The following CWC25 variants were observed in gnomAD, a reference collection of about 807,000 sequenced individuals.
The protein encoded by CWC25 is CWC25 spliceosome associated protein.
CWC25 carries 31 observed loss-of-function variants against 54.6 expected under a neutral mutation model. The ratio of observed to expected loss-of-function variants is 0.57; its 90% CI spans 0.43 to 0.77. The LOEUF is 0.77. CWC25 is among the 30% of genes least tolerant of loss of function. The pLI is 0.00. For missense variants in CWC25, 453 were observed against 529.3 expected, an observed-to-expected ratio of 0.86 and a Z score of 1.41; for synonymous variants, 151 against 187.0, an observed-to-expected ratio of 0.81 and a Z score of 1.57.
At position 38,814,942 on chromosome 17, in the gene CWC25, C is replaced by A. The variant is rs1254899378; in HGVS notation, c.347G>T (p.Gly116Val). The change falls in exon 3 of 10, where the codon GGC becomes GTC. Residue 116 changes from glycine to valine, a missense_variant. Physicochemically the swap from Gly to Val is moderately radical, Grantham distance 109. Coordinates refer to ENST00000614790, the MANE Select transcript of CWC25 (RefSeq NM_017748.5). ...GCSSETGLLPGSIFAPSGANS... is the reference protein window; with the variant it reads ...GCSSETGLLPVSIFAPSGANS... ...GGCACCTGATGGGGCAAAGATAGAG[C>A]CTGGGAGAAGTCCTGTTTCAGAAGA... is the stretch of plus-strand genomic sequence containing the variant. 2 of 1,613,634 alleles carry A rather than the reference C, an allele frequency of 1.2e-6. No homozygotes were observed.
intron 8 of CWC25, among the ~76,000 whole-genome samples, chr17:38,803,475 C>T (rs908163591): frequency 6.6e-6 from 1 of 151,846 alleles, no homozygotes; most frequent in Admixed American, 6.6e-5. Context: ...ACTAAAATTA[C>T]AAAAATAAGC....
intron 2 of CWC25, among the ~76,000 whole-genome samples, chr17:38,818,781 C>G (rs1341647651): frequency 2.6e-5 from 4 of 151,902 alleles, no homozygotes; most frequent in Non-Finnish European, 4.4e-5. Context: ...ATCACCTTCC[C>G]CCATTCACGA....
chr17:38,817,804 A>G (rs1911761882), intron 2 of CWC25, among the ~76,000 whole-genome samples: 1 of 151,322 alleles, frequency 6.6e-6, no homozygotes. Context: ...AATAACAATA[A>G]TAATAATAAT....
intron 1 of CWC25, among the ~76,000 whole-genome samples, chr17:38,823,022 G>A (rs1023427003): frequency 1.3e-5 from 2 of 151,626 alleles, no homozygotes; most frequent in Non-Finnish European, 2.9e-5. Context: ...TGTATTTTTA[G>A]TAGAGACGGG....
chr17:38,815,702 T>C (rs1911668641), intron 2 of CWC25: 2 of 1,285,500 alleles, frequency 1.6e-6, no homozygotes, highest in Non-Finnish European at 2.0e-6. Flanking sequence ...CGAGTCTCCT[T>C]TACAGAGTCT....
chr17:38,825,136 C>A, intron 1 of CWC25, 30 bp downstream of exon 1: 1 of 1,505,728 alleles, frequency 6.6e-7, no homozygotes. Flanking sequence ...CGGCCTCAGT[C>A]CTCCCCCGCC....
At chr17:38,814,197 A>G (rs1911604604) in intron 3 of CWC25, among the ~76,000 whole-genome samples, 1 of 152,108 alleles carries the variant, frequency 6.6e-6, no homozygotes, top group Non-Finnish European at 1.5e-5. Flanking sequence ...GTTTCAATTC[A>G]GAATGGTGAA....
At position 38,820,922 on chromosome 17, in the gene CWC25, G is replaced by C; in HGVS notation, c.170C>G (p.Ala57Gly). 6.2e-7 allele frequency: 1 copy of C among 1,613,102 alleles called. No individual in the cohort carries two copies. The highest frequency in any genetic ancestry group is 2.2e-5 in the East Asian group (1 of 44,870). Residue 57 changes from alanine (A) to glycine (G), a missense_variant, in exon 2 of 10, where the codon GCG (alanine) becomes GGG (glycine). Ala to Gly is a moderately conservative substitution (Grantham distance 60). Coordinates refer to ENST00000614790, the MANE Select transcript of CWC25 (RefSeq NM_017748.5). The part of the protein sequence containing the change: ...ERAREEMQRY[A>G]EDVGAVKKKE... ...TTACTTGACGGCCCCAACATCCTCC[G>C]CATAGCGCTGCATCTCTTCCCGGGC...
At chr17:38,814,745 CAAAA>C (rs71138658) in intron 3 of CWC25, 112 bp downstream of exon 3, 2,230 of 458,528 alleles carry the variant, frequency 4.9e-3, no homozygotes, top group Middle Eastern at 6.3e-3. Context: ...GACTCCGTCT[CAAAA>C]AAAAAAAAAA....
rs1409567108 is a variant in CWC25 at position 38,816,875 on chromosome 17, G to A, written c.192-1778C>T. Among the ~76,000 whole-genome samples the A allele has an allele frequency of 3.3e-5, 5 of 150,966 alleles. No individual in the cohort carries two copies. In the East Asian group the frequency reaches 8.0e-4, roughly 24 times the overall value. ...AATTTTTTGTACTTTTAGTAAAGAC[G>A]AGGTTTCACCGTGTTGGCCAGGCTG... On this transcript the variant is annotated intron_variant, in intron 2 of 9. Coordinates refer to ENST00000614790, the MANE Select transcript of CWC25 (RefSeq NM_017748.5).
intron 8 of CWC25, among the ~76,000 whole-genome samples, chr17:38,805,134 G>C (rs975860496): frequency 2.2e-4 from 33 of 150,964 alleles, no homozygotes; most frequent in Admixed American, 6.0e-4. Context: ...AATTAGCTGG[G>C]CGTGACAACA....
chr17:38,805,325 G>A (rs185700666), intron 8 of CWC25, among the ~76,000 whole-genome samples: 1 of 152,086 alleles, frequency 6.6e-6, no homozygotes, highest in Admixed American at 6.6e-5. Context: ...TAAAATTAAT[G>A]GATGAAGAGG....
At chr17:38,804,812 A>C (rs1205873828) in intron 8 of CWC25, among the ~76,000 whole-genome samples, 8 of 150,244 alleles carry the variant, frequency 5.3e-5, no homozygotes, top group African/African-American at 2.0e-4. Flanking sequence ...AAAAAAAAAA[A>C]AAAAAAAAGG....
At chr17:38,816,690 T>TC (rs2143587834) in intron 2 of CWC25, among the ~76,000 whole-genome samples, 1 of 150,224 alleles carries the variant, frequency 6.7e-6, no homozygotes, top group African/African-American at 2.4e-5. Context: ...CCATGACCCT[T>TC]TTTTTTTTCC....
chr17:38,819,776 G>A lies in CWC25; in HGVS notation c.191+1125C>T, dbSNP rs997453746. On this transcript the variant is annotated intron_variant, in intron 2 of 9. Transcript: ENST00000614790. ...CAGCTCACTGAAACTTCTGCCTCCC[G>A]GGTTCAAGCAATTCTCCTGCCTCGG... Among the ~76,000 whole-genome samples, 3 of 151,774 alleles carry A rather than the reference G, an allele frequency of 2.0e-5. 1 individual carries two copies. The highest frequency in any genetic ancestry group is 4.8e-5 in the African/African-American group (2 of 41,308).
intron 2 of CWC25, among the ~76,000 whole-genome samples, chr17:38,819,034 T>C (rs1320064836): frequency 1.3e-5 from 2 of 151,842 alleles, no homozygotes; most frequent in African/African-American, 4.8e-5. Context: ...TATTTATTTA[T>C]TTACTTAGAG....
intron 8 of CWC25, among the ~76,000 whole-genome samples, chr17:38,805,258 C>T (rs1456339333): frequency 6.6e-6 from 1 of 151,826 alleles, no homozygotes; most frequent in Admixed American, 6.6e-5. Flanking sequence ...CTGGGAGATA[C>T]AACAAGATGC....
chr17:38,812,956 C>T (rs1911551067), intron 3 of CWC25, 92 bp from the exon 4 acceptor site: 1 of 736,192 alleles, frequency 1.4e-6, no homozygotes, highest in African/African-American at 1.7e-5. Context: ...GACAAACTGG[C>T]CCATGTTAAA....
intron 1 of CWC25, among the ~76,000 whole-genome samples, chr17:38,822,086 G>A (rs955628671): frequency 9.2e-5 from 14 of 151,540 alleles, no homozygotes; most frequent in African/African-American, 1.9e-4. Flanking sequence ...TTCTTGAGAC[G>A]GAGTTTCACT....
Sources: allele counts gnomAD v4.1 joint callset (sites outside exome capture counted in the v4.1 genomes callset), GRCh38; gene constraint gnomAD v4.1.1; transcripts MANE v1.5; gene names NCBI Gene and HGNC (gene_info 2026-07-23, HGNC 2026-07-21).